Variants in VSNL1 observed in about 807,000 individuals in gnomAD.
VSNL1 encodes the protein visinin like 1.
VSNL1 carries 6 observed loss-of-function variants against 20.4 expected under a neutral mutation model. The ratio of observed to expected loss-of-function variants is 0.29; its 90% CI spans 0.16 to 0.58. The LOEUF (loss-of-function observed/expected upper bound fraction) is 0.58. VSNL1 is among the 20% of genes least tolerant of loss of function. VSNL1 has a pLI of 0.90. For synonymous variants in VSNL1, 93 were observed against 86.4 expected (o/e 1.08, Z -0.42); for missense variants, 100 against 234.5 (o/e 0.43, Z 3.75).
chr2:17,573,006 C>T (rs2103357904), intron 1 of VSNL1, among the ~76,000 whole-genome samples: 1 of 152,336 alleles, frequency 6.6e-6, no homozygotes, highest in East Asian at 1.9e-4. Flanking sequence ...TAAAAGCCTA[C>T]AGGACAGACA....
In VSNL1 at chr2:17,578,083, C is replaced by T. The variant is rs1368213498; in HGVS notation, c.-5-13987C>T. 2.0e-5 allele frequency among the ~76,000 whole-genome samples: 3 copies of T among 152,038 alleles called. No individual in the cohort carries two copies. The South Asian group carries it at 6.2e-4, about 32-fold the overall frequency. On this transcript the variant is annotated intron_variant, in intron 1 of 3. Coordinates refer to ENST00000295156, the MANE Select transcript of VSNL1 (RefSeq NM_003385.5). The stretch of plus-strand genomic sequence containing the variant: ...GCTGTTGTTATTACTGCTAAAATAT[C>T]GGTCATATAGATTTATTATTTTATT...
chr2:17,621,413 C>T (rs1317283276), intron 2 of VSNL1, among the ~76,000 whole-genome samples: 2 of 152,074 alleles, frequency 1.3e-5, no homozygotes, highest in Non-Finnish European at 2.9e-5. Flanking sequence ...ACCTCTACCT[C>T]CCGGGTTCAA....
chr2:17,556,644 CATATGT>C (rs908733571), intron 1 of VSNL1, among the ~76,000 whole-genome samples: 1 of 152,152 alleles, frequency 6.6e-6, no homozygotes, highest in Non-Finnish European at 1.5e-5. Flanking sequence ...TTCACAGTGG[CATATGT>C]ATAACTAAGT....
At chr2:17,589,732 T>C (rs1370562865) in intron 1 of VSNL1, among the ~76,000 whole-genome samples, 2 of 152,224 alleles carry the variant, frequency 1.3e-5, no homozygotes, top group East Asian at 1.9e-4. Context: ...AAGTGACCCA[T>C]GGAGAAGCCA....
intron 2 of VSNL1, among the ~76,000 whole-genome samples, chr2:17,593,553 G>A (rs535625599): frequency 2.6e-4 from 40 of 152,280 alleles, no homozygotes; most frequent in Admixed American, 1.3e-3. Flanking sequence ...GGATGAAATT[G>A]GGGGTATGGC....
intron 2 of VSNL1, among the ~76,000 whole-genome samples, chr2:17,640,602 C>A (rs1259209189): frequency 2.6e-5 from 4 of 152,204 alleles, no homozygotes; most frequent in Admixed American, 6.5e-5. Context: ...TGGTAGGAAG[C>A]TTCCTCTCCT....
intron 3 of VSNL1, among the ~76,000 whole-genome samples, chr2:17,651,934 G>A (rs1666131240): frequency 2.6e-5 from 4 of 152,218 alleles, no homozygotes; most frequent in South Asian, 4.1e-4. Context: ...AGGCAGGTAA[G>A]TTATATGTAA....
At chr2:17,552,208 A>AC (rs1415667328) in intron 1 of VSNL1, among the ~76,000 whole-genome samples, 1 of 151,562 alleles carries the variant, frequency 6.6e-6, no homozygotes, top group Non-Finnish European at 1.5e-5. Context: ...TCAAAAAAAA[A>AC]AAAACAAAAA....
chr2:17,606,311 G>A (rs983333056), intron 2 of VSNL1, among the ~76,000 whole-genome samples: 12 of 152,170 alleles, frequency 7.9e-5, no homozygotes, highest in African/African-American at 2.7e-4. Flanking sequence ...GAAGAGTCGG[G>A]GGCTGGAGTC....
chr2:17,596,195 G>A (rs201123565), intron 2 of VSNL1, among the ~76,000 whole-genome samples: 1 of 152,152 alleles, frequency 6.6e-6, no homozygotes, highest in Non-Finnish European at 1.5e-5. Flanking sequence ...GATGCCTTCT[G>A]TCCCAGATGT....
In VSNL1 at chr2:17,628,226, C is replaced by G. The variant is rs191453248; in HGVS notation, c.163-21184C>G. Among the ~76,000 whole-genome samples, 276 of 152,378 alleles carry G rather than the reference C, an allele frequency of 1.8e-3. 2 individuals carry two copies. In the East Asian group the frequency reaches 0.023, roughly 13 times the overall value. On this transcript the variant is annotated intron_variant, in intron 2 of 3. Transcript: ENST00000295156. ...TATTGAGGACAGCAGTCCATCTTGG[C>G]TCTTTCTGGATTCACCTGGGTCTGG... is the stretch of plus-strand genomic sequence containing the variant.
chr2:17,597,475 C>T (rs1354177131), intron 2 of VSNL1, among the ~76,000 whole-genome samples: 2 of 152,176 alleles, frequency 1.3e-5, no homozygotes, highest in Admixed American at 1.3e-4. Context: ...TGCCATTGCT[C>T]CAAATTTTCT....
At chr2:17,650,934 CAATTG>C (rs901877742) in intron 3 of VSNL1, among the ~76,000 whole-genome samples, 1 of 152,202 alleles carries the variant, frequency 6.6e-6, no homozygotes, top group Non-Finnish European at 1.5e-5. Flanking sequence ...TCCCTTCATT[CAATTG>C]AATATATATT....
intron 3 of VSNL1, among the ~76,000 whole-genome samples, chr2:17,653,586 C>T (rs1666166240): frequency 1.3e-5 from 2 of 152,174 alleles, no homozygotes; most frequent in South Asian, 4.1e-4. Context: ...AGACAACTTT[C>T]TTAAAGTGTT....
chr2:17,655,045 A>G lies in VSNL1; in HGVS notation c.379-152A>G. Reference sequence around the variant, plus strand: ...GGGAAATGGTATGGGTTGTCACAGAAACTTGCAGCACAAGGAGTGAAACTC... The same window carrying G: ...GGGAAATGGTATGGGTTGTCACAGAGACTTGCAGCACAAGGAGTGAAACTC... On this transcript the variant is annotated intron_variant, in intron 3 of 3. Coordinates refer to ENST00000295156, the MANE Select transcript of VSNL1 (RefSeq NM_003385.5). The surrounding 1 kb of genome is among the most constrained non-coding windows in gnomAD (Gnocchi z 5.2). 1.4e-6 allele frequency: 1 copy of G among 695,072 alleles called. No homozygotes were observed. Among genetic ancestry groups the G allele is most frequent in the Non-Finnish European group, 2.4e-6 (1 of 412,134 alleles). 43.1% of individuals were successfully genotyped at this position (695,072 alleles called of 1,614,324 possible).
chr2:17,625,746 T>C (rs1665495239), intron 2 of VSNL1, among the ~76,000 whole-genome samples: 1 of 151,500 alleles, frequency 6.6e-6, no homozygotes, highest in South Asian at 2.1e-4. Flanking sequence ...GCTCCTCCAC[T>C]CCTTCATGTA....
At chr2:17,632,125 G>C (rs1161939309) in intron 2 of VSNL1, among the ~76,000 whole-genome samples, 5 of 152,112 alleles carry the variant, frequency 3.3e-5, no homozygotes, top group Non-Finnish European at 4.4e-5. Context: ...CACCTTAACT[G>C]TTCCACCCAC....
At chr2:17,602,186 C>T (rs74926187) in intron 2 of VSNL1, among the ~76,000 whole-genome samples, 8,228 of 152,192 alleles carry the variant, frequency 0.054, 257 homozygotes, top group East Asian at 0.091. Flanking sequence ...GGAGCACCTG[C>T]GGGAAGAAGG....
At chr2:17,647,298 C>T (rs1199657097) in intron 2 of VSNL1, among the ~76,000 whole-genome samples, 4 of 152,106 alleles carry the variant, frequency 2.6e-5, no homozygotes, top group Non-Finnish European at 5.9e-5. Context: ...GTTTCGTGCC[C>T]ACTGGTCTCA....
Sources: allele counts gnomAD v4.1 joint callset (sites outside exome capture counted in the v4.1 genomes callset), GRCh38; gene constraint gnomAD v4.1.1; non-coding constraint Gnocchi (gnomAD v3.1); transcripts MANE v1.5; gene names NCBI Gene and HGNC (gene_info 2026-07-23, HGNC 2026-07-21).